TPTE2: variants seen among roughly 807,000 people sequenced by gnomAD.
The protein encoded by TPTE2 is phosphatidylinositol 3,4,5-trisphosphate 3-phosphatase TPTE2.
Under a neutral mutation model 78.6 loss-of-function variants are expected in TPTE2, and 53 were observed. That is an observed-to-expected ratio of 0.67 (90% confidence interval 0.54 to 0.85). TPTE2 has a LOEUF of 0.85. Ranked by LOEUF, TPTE2 falls within the 40% of genes least tolerant of loss-of-function variation. The probability of loss-of-function intolerance (pLI) is 0.00; values close to 1 mark genes in which losing one functional copy is unlikely to be tolerated. For synonymous variants in TPTE2, 175 were observed against 206.2 expected (o/e 0.85, Z 1.30); for missense variants, 461 against 623.0 (o/e 0.74, Z 2.77).
At chr13:19,463,131 G>A (rs1462425910) in intron 10 of TPTE2, among the ~76,000 whole-genome samples, 1 of 78,264 alleles carries the variant, frequency 1.3e-5, no homozygotes, top group Non-Finnish European at 2.8e-5. Flanking sequence ...TGGCAAGCAT[G>A]CACCACCAAA....
exon 8 of TPTE2, chr13:19,465,547 C>A: frequency 6.3e-7 from 1 of 1,599,204 alleles, no homozygotes; most frequent in South Asian, 1.1e-5. Flanking sequence ...TCGTAGAAGT[C>A]GAACTAAATG....
At chr13:19,512,988 T>C (rs2137699071) in intron 1 of TPTE2, among the ~76,000 whole-genome samples, 1 of 152,266 alleles carries the variant, frequency 6.6e-6, no homozygotes, top group South Asian at 2.1e-4. Flanking sequence ...AAACACTAAT[T>C]TGGGGAGATG....
intron 10 of TPTE2, among the ~76,000 whole-genome samples, chr13:19,459,323 A>G (rs1180643847): frequency 6.6e-6 from 1 of 152,094 alleles, no homozygotes; most frequent in Non-Finnish European, 1.5e-5. Flanking sequence ...ACTGCCGGTG[A>G]AGCCTGAGAA....
upstream of TPTE2, among the ~76,000 whole-genome samples, chr13:19,504,508 G>C (rs1868860399): frequency 6.6e-6 from 1 of 151,876 alleles, no homozygotes; most frequent in Admixed American, 6.6e-5. Flanking sequence ...TTTTCCCCGA[G>C]GGCTCCACTG....
chr13:19,452,012 G>A (rs1181884748), intron 10 of TPTE2, among the ~76,000 whole-genome samples: 1 of 151,928 alleles, frequency 6.6e-6, no homozygotes, highest in Non-Finnish European at 1.5e-5. Context: ...TTTTAAAACT[G>A]ATTAGTATGG....
the TPTE2 span, among the ~76,000 whole-genome samples, chr13:19,546,885 GAAC>G: frequency 1.3e-5 from 2 of 151,008 alleles, no homozygotes; most frequent in Admixed American, 6.6e-5. Context: ...CCAGAGCATA[GAAC>G]AATAGGAGAA....
At chr13:19,543,262 A>G in the TPTE2 span, among the ~76,000 whole-genome samples, 1 of 151,922 alleles carries the variant, frequency 6.6e-6, no homozygotes, top group African/African-American at 2.4e-5. Context: ...CACATTGGCC[A>G]GGCTGGTCTC....
chr13:19,440,467 A>G (rs1877415475), intron 13 of TPTE2, among the ~76,000 whole-genome samples: 1 of 152,216 alleles, frequency 6.6e-6, no homozygotes, highest in Admixed American at 6.5e-5. Context: ...TCAAAGGAAC[A>G]TACTTCAAAA....
intron 4 of TPTE2, among the ~76,000 whole-genome samples, chr13:19,478,813 T>C (rs1186390641): frequency 6.6e-6 from 1 of 152,122 alleles, no homozygotes; most frequent in Non-Finnish European, 1.5e-5. Context: ...ATATACACCA[T>C]GGAATACTAT....
chr13:19,487,024 G>A (rs1450958464), intron 3 of TPTE2, among the ~76,000 whole-genome samples: 1 of 152,172 alleles, frequency 6.6e-6, no homozygotes, highest in Non-Finnish European at 1.5e-5. Context: ...ATGGCTGATT[G>A]GCTAGTCTGG....
At chr13:19,453,093 T>C (rs758416705) in intron 10 of TPTE2, among the ~76,000 whole-genome samples, 3 of 151,802 alleles carry the variant, frequency 2.0e-5, no homozygotes, top group Non-Finnish European at 2.9e-5. Context: ...AAAGGTGCAA[T>C]ATCAGTTCAC....
At chr13:19,466,375 C>T (rs1490314362) in intron 7 of TPTE2, among the ~76,000 whole-genome samples, 1 of 152,202 alleles carries the variant, frequency 6.6e-6, no homozygotes, top group South Asian at 2.1e-4. Context: ...AAGCCAATCA[C>T]TTAACATGCT....
intron 17 of TPTE2, among the ~76,000 whole-genome samples, chr13:19,427,913 G>A (rs1183790360): frequency 6.6e-6 from 1 of 152,214 alleles, no homozygotes; most frequent in Non-Finnish European, 1.5e-5. Flanking sequence ...GGCCCCTTCA[G>A]GGAGCTGTAC....
chr13:19,500,560 T>G (rs1868432933), intron 1 of TPTE2, among the ~76,000 whole-genome samples: 1 of 152,094 alleles, frequency 6.6e-6, no homozygotes, highest in Non-Finnish European at 1.5e-5. Context: ...CACATGATTA[T>G]CTCAATAGAT....
chr13:19,537,793 TG>T (rs1172265618), upstream of TPTE2, among the ~76,000 whole-genome samples: 4 of 148,930 alleles, frequency 2.7e-5, no homozygotes, highest in Non-Finnish European at 6.0e-5. Flanking sequence ...TTAGTAGAGA[TG>T]GGGTTTCACC....
At chr13:19,441,013 G>T (rs1375800371) in intron 13 of TPTE2, among the ~76,000 whole-genome samples, 4 of 152,014 alleles carry the variant, frequency 2.6e-5, no homozygotes, top group Admixed American at 2.0e-4. Flanking sequence ...CTTGAACCTG[G>T]GGGGTGGAGG....
chr13:19,470,585 G>A (rs1879549497), intron 6 of TPTE2, among the ~76,000 whole-genome samples: 1 of 151,892 alleles, frequency 6.6e-6, no homozygotes. Context: ...GAGTGCAGTG[G>A]TGTGATCTCA....
chr13:19,490,766 G>A (rs970204126), intron 3 of TPTE2, among the ~76,000 whole-genome samples: 1 of 152,216 alleles, frequency 6.6e-6, no homozygotes, highest in Non-Finnish European at 1.5e-5. Context: ...TGTGGTAACA[G>A]ACGAAGAGAC....
chr13:19,479,290 AAGAC>A (rs1245056638), intron 4 of TPTE2, among the ~76,000 whole-genome samples: 1 of 152,204 alleles, frequency 6.6e-6, no homozygotes, highest in Non-Finnish European at 1.5e-5. Context: ...GGTGTGGAAG[AAGAC>A]AGAAGTAAAG....
Sources: gnomAD v4.1 joint callset for allele counts (sites outside exome capture counted in the v4.1 genomes callset) on GRCh38, gnomAD v4.1.1 for gene constraint, MANE v1.5 for transcripts, NCBI Gene and HGNC (gene_info 2026-07-23, HGNC 2026-07-21) for gene names.